The following ACTR3C variants were observed in gnomAD, a reference collection of about 807,000 sequenced individuals.
ACTR3C encodes the protein actin-related protein 3C.
A neutral mutation model predicts 26.3 loss-of-function variants in ACTR3C; 18 were observed. The observed-to-expected ratio is 0.68, with a 90% CI of 0.47 to 1.01. ACTR3C has a LOEUF of 1.01. Ranked by LOEUF, ACTR3C falls within the 50% of genes least tolerant of loss-of-function variation. ACTR3C has a pLI of 0.00. For missense variants in ACTR3C, 184 were observed against 250.7 expected (o/e 0.73, Z 1.80); for synonymous variants, 55 against 94.5 (o/e 0.58, Z 2.42).
At chr7:150,115,722 C>T in the ACTR3C span, among the ~76,000 whole-genome samples, 1 of 152,244 alleles carries the variant, frequency 6.6e-6, no homozygotes, top group African/African-American at 2.4e-5. Flanking sequence ...GTACAGTACT[C>T]AGTCAGCACT....
chr7:150,305,220 G>A (rs3864525), intron 1 of ACTR3C, among the ~76,000 whole-genome samples: 20 of 152,078 alleles, frequency 1.3e-4, no homozygotes, highest in Non-Finnish European at 2.2e-4. Context: ...CTGCATAAAC[G>A]GGCCCTTCCT....
the ACTR3C span, among the ~76,000 whole-genome samples, chr7:150,068,782 C>CAAAAAAAAAAAAAAAAAAAAACAAAAA: frequency 1.3e-5 from 1 of 76,758 alleles, no homozygotes; most frequent in South Asian, 5.0e-4. Context: ...GACTCCGTCC[C>CAAAAAAAAAAAAAAAAAAAAACAAAAA]AAAAAAAAAA....
the ACTR3C span, among the ~76,000 whole-genome samples, chr7:150,191,993 G>C: frequency 6.6e-6 from 1 of 151,494 alleles, no homozygotes; most frequent in African/African-American, 2.4e-5. Context: ...TAATCATATA[G>C]TTTTCTTGTT....
At chr7:150,036,267 T>C in the ACTR3C span, among the ~76,000 whole-genome samples, 1 of 147,380 alleles carries the variant, frequency 6.8e-6, no homozygotes, top group Admixed American at 6.7e-5. Flanking sequence ...AAGAATCAGC[T>C]TATTTGCTTC....
At chr7:149,915,857 C>A in the ACTR3C span, among the ~76,000 whole-genome samples, 1 of 150,250 alleles carries the variant, frequency 6.7e-6, no homozygotes, top group East Asian at 1.9e-4. Context: ...ATAGCAAAAC[C>A]ACCACCAGAA....
At chr7:149,901,656 C>T in the ACTR3C span, among the ~76,000 whole-genome samples, 6 of 151,964 alleles carry the variant, frequency 3.9e-5, no homozygotes, top group Non-Finnish European at 8.8e-5. Flanking sequence ...CAGTGGCTCA[C>T]GCCTGTAATC....
rs183856093 is a variant in ACTR3C at position 150,315,604 on chromosome 7, G to T, written c.-52+7865C>A. ...TTTTGAATAGGAAGGACATTCCTAT[G>T]AAATAAAATTCAAAAGGTAAAACTG... is the stretch of plus-strand genomic sequence containing the variant. On this transcript the variant is annotated intron_variant, in intron 1 of 7. Transcript: ENST00000683684. Among the ~76,000 whole-genome samples the T allele has an allele frequency of 5.9e-5, 9 of 152,306 alleles. 1 individual carries two copies. The East Asian group carries it at 1.7e-3, about 29-fold the overall frequency.
the ACTR3C span, among the ~76,000 whole-genome samples, chr7:150,133,877 A>G: frequency 6.6e-6 from 1 of 152,136 alleles, no homozygotes; most frequent in South Asian, 2.1e-4. Flanking sequence ...AGCTGGGACT[A>G]CAGGCAGATG....
chr7:150,207,438 G>C, the ACTR3C span, among the ~76,000 whole-genome samples: 3 of 152,196 alleles, frequency 2.0e-5, no homozygotes, highest in Non-Finnish European at 4.4e-5. Flanking sequence ...ATAGTATTCA[G>C]CATTGGATAA....
chr7:149,998,230 T>C, the ACTR3C span, among the ~76,000 whole-genome samples: 1 of 151,530 alleles, frequency 6.6e-6, no homozygotes, highest in South Asian at 2.1e-4. Context: ...CTAGGAGATC[T>C]GTCTCCAGAC....
the ACTR3C span, among the ~76,000 whole-genome samples, chr7:150,033,631 A>C: frequency 0.045 from 5,042 of 113,200 alleles, no homozygotes; most frequent in African/African-American, 0.053. Context: ...GGGTCCTAAG[A>C]GCCAGAGGGG....
chr7:150,228,916 G>A, the ACTR3C span, among the ~76,000 whole-genome samples: 1 of 150,558 alleles, frequency 6.6e-6, no homozygotes, highest in African/African-American at 2.4e-5. Flanking sequence ...TGTGTATCCT[G>A]TAACTTTGCT....
At chr7:150,113,061 G>T in the ACTR3C span, among the ~76,000 whole-genome samples, 1 of 151,904 alleles carries the variant, frequency 6.6e-6, no homozygotes, top group Admixed American at 6.6e-5. Context: ...CAAATCAATG[G>T]TACCAAGGGG....
chr7:150,177,743 T>C, the ACTR3C span, among the ~76,000 whole-genome samples: 1 of 150,838 alleles, frequency 6.6e-6, no homozygotes, highest in Non-Finnish European at 1.5e-5. Flanking sequence ...TCTGATTGTC[T>C]TATTTCTCAT....
the ACTR3C span, among the ~76,000 whole-genome samples, chr7:149,937,982 G>A: frequency 6.6e-6 from 1 of 152,206 alleles, no homozygotes; most frequent in Non-Finnish European, 1.5e-5. Context: ...AGATGGGACA[G>A]TGTGCAAGTG....
At chr7:150,192,706 T>C in the ACTR3C span, among the ~76,000 whole-genome samples, 1 of 152,246 alleles carries the variant, frequency 6.6e-6, no homozygotes, top group Non-Finnish European at 1.5e-5. Flanking sequence ...ATTTAATTGA[T>C]AACCTTAGGT....
At chr7:150,088,530 T>G in the ACTR3C span, among the ~76,000 whole-genome samples, 2 of 152,250 alleles carry the variant, frequency 1.3e-5, no homozygotes, top group African/African-American at 4.8e-5. Flanking sequence ...TAATAGTGTC[T>G]TCTTTGTGAC....
chr7:150,197,037 T>C, the ACTR3C span, among the ~76,000 whole-genome samples: 2 of 152,174 alleles, frequency 1.3e-5, no homozygotes, highest in Non-Finnish European at 2.9e-5. Flanking sequence ...GGCCTGAGGG[T>C]GACAGCTTTT....
the ACTR3C span, among the ~76,000 whole-genome samples, chr7:150,106,007 G>A: frequency 2.0e-5 from 3 of 151,596 alleles, no homozygotes; most frequent in Non-Finnish European, 2.9e-5. Flanking sequence ...AAAATTTTAG[G>A]AGAAGCTTTT....
Sources: allele counts gnomAD v4.1 joint callset (sites outside exome capture counted in the v4.1 genomes callset), GRCh38; gene constraint gnomAD v4.1.1; transcripts MANE v1.5; gene names NCBI Gene and HGNC (gene_info 2026-07-23, HGNC 2026-07-21).